The following CSMD1 variants were observed in gnomAD, a reference collection of about 807,000 sequenced individuals.
CSMD1 encodes CUB and sushi domain-containing protein 1.
Under a neutral mutation model 417.5 loss-of-function variants are expected in CSMD1, and 213 were observed. That is an observed-to-expected ratio of 0.51 (90% CI 0.46 to 0.57). The LOEUF is 0.57. Among genes scored for constraint, CSMD1 ranks in the 20% least tolerant of loss-of-function variants. CSMD1 has a pLI of 0.00. For synonymous variants in CSMD1, 2,862 were observed against 1,736.8 expected (o/e 1.65, Z -16.11); for missense variants, 6,923 against 4,529.7 (o/e 1.53, Z -15.17).
intron 1 of CSMD1, among the ~76,000 whole-genome samples, chr8:4,898,744 G>T (rs1804668067): frequency 6.6e-6 from 1 of 152,152 alleles, no homozygotes; most frequent in Admixed American, 6.5e-5. Flanking sequence ...TGACTTTCAT[G>T]TAAATTTAGT....
intron 1 of CSMD1, among the ~76,000 whole-genome samples, chr8:4,737,911 T>G (rs189915031): frequency 6.6e-6 from 1 of 152,242 alleles, no homozygotes; most frequent in Admixed American, 6.5e-5. Flanking sequence ...ATAGCAAAAT[T>G]TGTTTGAAGG....
At chr8:4,915,637 C>A (rs1351603354) in intron 1 of CSMD1, among the ~76,000 whole-genome samples, 1 of 152,214 alleles carries the variant, frequency 6.6e-6, no homozygotes, top group Non-Finnish European at 1.5e-5. Context: ...AGTTCCCAAC[C>A]TTCACACCCA....
At chr8:3,307,929 A>C in intron 24 of CSMD1, 108 bp from the exon 25 acceptor site, 1 of 1,194,396 alleles carries the variant, frequency 8.4e-7, no homozygotes, top group Non-Finnish European at 1.2e-6. Flanking sequence ...ATACATAGAG[A>C]AAAAGAATCA....
intron 1 of CSMD1, among the ~76,000 whole-genome samples, chr8:4,927,675 C>G (rs1334245828): frequency 1.3e-5 from 2 of 152,140 alleles, no homozygotes; most frequent in Admixed American, 1.3e-4. Flanking sequence ...GTGGTGATGA[C>G]ACTGTGAACT....
chr8:3,614,110 A>G (rs1802023599), intron 8 of CSMD1, among the ~76,000 whole-genome samples: 1 of 152,152 alleles, frequency 6.6e-6, no homozygotes, highest in Non-Finnish European at 1.5e-5. Context: ...CGATACAAAT[A>G]ACATTTTACA....
chr8:4,100,506 T>C (rs1044702334), intron 3 of CSMD1, among the ~76,000 whole-genome samples: 18 of 152,276 alleles, frequency 1.2e-4, no homozygotes, highest in African/African-American at 3.9e-4. Context: ...AACTATAAAA[T>C]GGATTAAAAA....
chr8:3,059,795 G>T (rs1479990271), intron 49 of CSMD1, among the ~76,000 whole-genome samples: 1 of 152,096 alleles, frequency 6.6e-6, no homozygotes, highest in Non-Finnish European at 1.5e-5. Context: ...CAGGGTGTGG[G>T]AGTCACAGGA....
At chr8:3,492,065 G>A (rs892942182) in intron 11 of CSMD1, among the ~76,000 whole-genome samples, 1 of 152,226 alleles carries the variant, frequency 6.6e-6, no homozygotes, top group Non-Finnish European at 1.5e-5. Flanking sequence ...AGGAGAACTT[G>A]TGAGTCATTC....
intron 2 of CSMD1, among the ~76,000 whole-genome samples, chr8:4,631,869 G>A (rs374356634): frequency 1.3e-5 from 2 of 152,148 alleles, no homozygotes; most frequent in Non-Finnish European, 2.9e-5. Flanking sequence ...CCTAGGCCTT[G>A]TATTTTACAA....
intron 2 of CSMD1, among the ~76,000 whole-genome samples, chr8:4,510,229 G>A (rs903847172): frequency 9.2e-5 from 14 of 151,914 alleles, no homozygotes; most frequent in Admixed American, 1.3e-4. Context: ...ATGTGGAACT[G>A]TGAGTCAATT....
intron 2 of CSMD1, among the ~76,000 whole-genome samples, chr8:4,589,417 C>A (rs1033281367): frequency 6.6e-6 from 1 of 152,194 alleles, no homozygotes; most frequent in African/African-American, 2.4e-5. Flanking sequence ...AAGGAATAGA[C>A]TATTTCTTTT....
At chr8:3,578,157 A>G (rs1800230282) in intron 9 of CSMD1, among the ~76,000 whole-genome samples, 2 of 152,244 alleles carry the variant, frequency 1.3e-5, no homozygotes, top group Non-Finnish European at 1.5e-5. Flanking sequence ...CCAGCACCAG[A>G]AGGGTATAAT....
chr8:4,537,774 G>C (rs957307515), intron 2 of CSMD1, among the ~76,000 whole-genome samples: 1 of 152,170 alleles, frequency 6.6e-6, no homozygotes, highest in African/African-American at 2.4e-5. Flanking sequence ...GAATCACCAG[G>C]CATGCAGCCG....
chr8:3,705,256 G>T (rs1250291934), intron 7 of CSMD1, among the ~76,000 whole-genome samples: 1 of 152,192 alleles, frequency 6.6e-6, no homozygotes, highest in Non-Finnish European at 1.5e-5. Flanking sequence ...GGACATGAAC[G>T]CACAAGGTCA....
intron 20 of CSMD1, among the ~76,000 whole-genome samples, chr8:3,363,532 T>TTTATTTAA (rs1809337870): frequency 6.6e-6 from 1 of 151,918 alleles, no homozygotes; most frequent in African/African-American, 2.4e-5. Context: ...TATTTATTTA[T>TTTATTTAA]TTATTATTTT....
intron 3 of CSMD1, among the ~76,000 whole-genome samples, chr8:4,239,002 G>T (rs1802231520): frequency 6.6e-6 from 1 of 152,254 alleles, no homozygotes; most frequent in East Asian, 1.9e-4. Flanking sequence ...CATCACTATG[G>T]CTACAGGATT....
At chr8:3,257,804 G>C (rs533613413) in intron 26 of CSMD1, among the ~76,000 whole-genome samples, 2 of 152,158 alleles carry the variant, frequency 1.3e-5, no homozygotes, top group South Asian at 4.1e-4. Flanking sequence ...GAGGGCGATC[G>C]GTGGGTGGGG....
At chr8:3,757,117 T>C (rs1797703587) in intron 5 of CSMD1, among the ~76,000 whole-genome samples, 1 of 152,158 alleles carries the variant, frequency 6.6e-6, no homozygotes, top group African/African-American at 2.4e-5. Flanking sequence ...TTGCACTTTA[T>C]TTGCATGCCT....
chr8:3,988,751 C>A (rs1814520884), intron 5 of CSMD1, among the ~76,000 whole-genome samples: 1 of 152,156 alleles, frequency 6.6e-6, no homozygotes, highest in African/African-American at 2.4e-5. Context: ...CGGACATATA[C>A]AAAAACAGCC....
Sources: allele counts gnomAD v4.1 joint callset (sites outside exome capture counted in the v4.1 genomes callset), GRCh38; gene constraint gnomAD v4.1.1; transcripts MANE v1.5; gene names NCBI Gene and HGNC (gene_info 2026-07-23, HGNC 2026-07-21).